The following DHX36 variants were observed in gnomAD, a reference collection of about 807,000 sequenced individuals.
DHX36 encodes ATP-dependent DNA/RNA helicase DHX36.
A neutral mutation model predicts 139.0 loss-of-function variants in DHX36; 50 were observed. The ratio of observed to expected loss-of-function variants is 0.36; its 90% CI spans 0.29 to 0.46. The LOEUF is 0.46. Ranked by LOEUF, DHX36 falls within the 20% of genes least tolerant of loss-of-function variation. The pLI is 1.00. For missense variants in DHX36, 1,024 were observed against 1,211.3 expected, an observed-to-expected ratio of 0.85 and a Z score of 2.29; for synonymous variants, 425 against 401.9, an observed-to-expected ratio of 1.06 and a Z score of -0.69.
intron 22 of DHX36, 79 bp from the exon 23 acceptor site, chr3:154,277,797 T>A: frequency 7.7e-7 from 1 of 1,303,820 alleles, no homozygotes; most frequent in Non-Finnish European, 1.0e-6. Flanking sequence ...CTTGAAAAAC[T>A]GATAGAAGAG....
At chr3:154,292,301 A>G (rs1007441962) in intron 15 of DHX36, among the ~76,000 whole-genome samples, 5 of 152,230 alleles carry the variant, frequency 3.3e-5, no homozygotes, top group Admixed American at 2.6e-4. Context: ...ACCAACTATT[A>G]TAAGTAACAT....
At chr3:154,277,471 T>C in intron 23 of DHX36, 127 bp downstream of exon 23, 2 of 800,500 alleles carry the variant, frequency 2.5e-6, no homozygotes, top group Non-Finnish European at 3.6e-6. Context: ...AGGGAAAAAG[T>C]TACTCACGTC....
chr3:154,301,463 T>C (rs1027085320), intron 9 of DHX36, among the ~76,000 whole-genome samples: 3 of 152,212 alleles, frequency 2.0e-5, no homozygotes, highest in African/African-American at 7.2e-5. Context: ...CAAACCTGAC[T>C]GCACGTAAGA....
rs577803670 is a variant in DHX36 at position 154,320,561 on chromosome 3, CCT to C, written c.243+3611_243+3612del. 3.2e-3 allele frequency among the ~76,000 whole-genome samples: 488 copies of C among 152,234 alleles called. 3 individuals carry two copies. The highest frequency in any genetic ancestry group is 5.7e-3 in the Non-Finnish European group (388 of 68,004). On this transcript the variant is annotated intron_variant, in intron 1 of 24. Transcript: ENST00000496811. The stretch of plus-strand genomic sequence containing the variant: ...TTTCTAGGCATCAGATCTACACAGC[CCT>C]CTCCCTCCTGCAAATCCTCATTTGT...
At chr3:154,310,540 T>C (rs986513879) in intron 4 of DHX36, among the ~76,000 whole-genome samples, 10 of 151,254 alleles carry the variant, frequency 6.6e-5, no homozygotes, top group African/African-American at 2.4e-4. Context: ...CCCAGCACTT[T>C]GGGAGGCTGA....
chr3:154,319,598 C>T (rs1027236606), intron 1 of DHX36, among the ~76,000 whole-genome samples: 1 of 152,188 alleles, frequency 6.6e-6, no homozygotes, highest in African/African-American at 2.4e-5. Flanking sequence ...CAGTTCCTTT[C>T]ATGTCCTCAG....
chr3:154,300,839 A>G, intron 10 of DHX36, 143 bp from the exon 11 acceptor site: 1 of 1,321,706 alleles, frequency 7.6e-7, no homozygotes, highest in South Asian at 1.3e-5. Flanking sequence ...TTACTGCTTA[A>G]AAGTCAAATC....
intron 5 of DHX36, among the ~76,000 whole-genome samples, chr3:154,307,026 T>C (rs1712530767): frequency 6.6e-6 from 1 of 152,170 alleles, no homozygotes; most frequent in African/African-American, 2.4e-5. Flanking sequence ...CAGTAACTGC[T>C]ATATATTAGT....
intron 23 of DHX36, among the ~76,000 whole-genome samples, chr3:154,277,246 A>G (rs111281247): frequency 8.3e-4 from 127 of 152,252 alleles, no homozygotes; most frequent in African/African-American, 2.8e-3. Flanking sequence ...AAATAAACAG[A>G]ATCTCAACAT....
intron 3 of DHX36, 195 bp from the exon 4 acceptor site, chr3:154,311,869 C>T (rs1712774922): frequency 4.4e-6 from 2 of 451,562 alleles, no homozygotes; most frequent in Admixed American, 4.3e-5. Context: ...ACCAGAACTC[C>T]ATTACATCCA....
intron 13 of DHX36, among the ~76,000 whole-genome samples, chr3:154,294,302 G>A (rs1711942641): frequency 6.6e-6 from 1 of 152,032 alleles, no homozygotes; most frequent in Admixed American, 6.6e-5. Flanking sequence ...TCTTTAAATG[G>A]AGAATTCTAC....
chr3:154,282,509 C>G (rs1192266832), intron 20 of DHX36, among the ~76,000 whole-genome samples: 2 of 151,930 alleles, frequency 1.3e-5, no homozygotes, highest in African/African-American at 4.8e-5. Flanking sequence ...AAGGTGTTTT[C>G]TACTGAAACA....
At chr3:154,300,885 G>T in intron 10 of DHX36, 102 bp downstream of exon 10, 1 of 1,485,394 alleles carries the variant, frequency 6.7e-7, no homozygotes, top group Non-Finnish European at 9.2e-7. Context: ...GACTCACAAT[G>T]CTCTCCTTTA....
intron 3 of DHX36, among the ~76,000 whole-genome samples, chr3:154,312,868 T>TA (rs1712820256): frequency 3.7e-5 from 3 of 80,136 alleles, no homozygotes; most frequent in Admixed American, 2.4e-4. Context: ...TATATATATA[T>TA]ATATATATAT....
At chr3:154,300,156 C>A (rs1712208229) in intron 11 of DHX36, among the ~76,000 whole-genome samples, 1 of 152,042 alleles carries the variant, frequency 6.6e-6, no homozygotes, top group Admixed American at 6.6e-5. Context: ...GCAGCATCTG[C>A]CTCCTGGGTT....
Position 154,284,883 on chromosome 3 carries a change from G to C in DHX36, c.2136C>G (p.Phe712Leu), listed in dbSNP as rs372524615. ...IGKMILFGALFCCLDPVLTIA... is the reference protein window; with the variant it reads ...IGKMILFGALLCCLDPVLTIA... Reference sequence around the variant, plus strand: ...TAGTGAGTACTGGGTCTAAGCAGCAGAACAGTGCTCCAAAAAGAATCATTT... The same window carrying C: ...TAGTGAGTACTGGGTCTAAGCAGCACAACAGTGCTCCAAAAAGAATCATTT... Residue 712 changes from phenylalanine (F) to leucine (L), a missense_variant, in exon 18 of 25, where the codon TTC becomes TTG. Around this residue, in one of 4 missense-constraint regions of DHX36, gnomAD observed 470 missense variants for 616.2 expected, o/e 0.76. Transcript: ENST00000496811. 1 of 1,614,136 alleles carries C rather than the reference G, an allele frequency of 6.2e-7. No individual in the cohort carries two copies. Among genetic ancestry groups the C allele is most frequent in the East Asian group, 2.2e-5 (1 of 44,876 alleles).
At chr3:154,321,926 C>CAA (rs36004138) in intron 1 of DHX36, among the ~76,000 whole-genome samples, 3,630 of 111,724 alleles carry the variant, frequency 0.032, 169 homozygotes, top group African/African-American at 0.1. Context: ...GACTCCAACT[C>CAA]AAAAAAAAAA....
intron 9 of DHX36, 69 bp from the exon 10 acceptor site, chr3:154,301,196 T>A: frequency 7.0e-7 from 1 of 1,433,466 alleles, no homozygotes; most frequent in Non-Finnish European, 9.4e-7. Flanking sequence ...ATCTGTGACA[T>A]TTTATATTTA....
In DHX36 at chr3:154,309,713, T is replaced by C; in HGVS notation, c.753A>G (p.Arg251=). 1 of 1,613,404 alleles carries C rather than the reference T, an allele frequency of 6.2e-7. No homozygotes were observed. Among genetic ancestry groups the C allele is most frequent in the Non-Finnish European group, 8.5e-7 (1 of 1,179,744 alleles). The change falls in exon 5 of 25, where the codon AGA becomes AGG. Residue 251 remains arginine (R), a synonymous_variant. Coordinates refer to ENST00000496811, the MANE Select transcript of DHX36 (RefSeq NM_020865.3). ...TQFILDNYIE[R]GKGSACRIVC... ...CTATTCTGCAAGCAGATCCTTTTCC[T>C]CTTTCAATGTAGTTATCCAAAATGA...
Sources: gnomAD v4.1 joint callset for allele counts (sites outside exome capture counted in the v4.1 genomes callset) on GRCh38, gnomAD v4.1.1 for gene constraint, gnomAD v4.1.1 regional missense constraint, MANE v1.5 for transcripts, NCBI Gene and HGNC (gene_info 2026-07-23, HGNC 2026-07-21) for gene names.